WDR7: variants seen among roughly 807,000 people sequenced by gnomAD.
WDR7 encodes WD repeat-containing protein 7.
In WDR7, 46 loss-of-function variants were observed where a neutral mutation model predicts 169.4. The observed-to-expected ratio is 0.27, with a 90% CI of 0.21 to 0.35. The LOEUF (loss-of-function observed/expected upper bound fraction) is 0.35. Ranked by LOEUF, WDR7 falls within the 10% of genes least tolerant of loss-of-function variation. WDR7 has a pLI of 1.00. For missense variants in WDR7, 1,534 were observed against 1,859.3 expected (o/e 0.83, Z 3.22); for synonymous variants, 612 against 666.8 (o/e 0.92, Z 1.27).
At chr18:56,949,071 C>T (rs978582263) in intron 25 of WDR7, among the ~76,000 whole-genome samples, 6 of 152,134 alleles carry the variant, frequency 3.9e-5, no homozygotes, top group African/African-American at 1.4e-4. Context: ...AGTTTGTCAC[C>T]TCTCCCACTC....
intron 26 of WDR7, among the ~76,000 whole-genome samples, chr18:56,971,540 G>C (rs1037447980): frequency 6.6e-6 from 1 of 152,090 alleles, no homozygotes; most frequent in South Asian, 2.1e-4. Context: ...TTGAAGTGCC[G>C]TGCACAACCT....
intron 9 of WDR7, among the ~76,000 whole-genome samples, chr18:56,692,651 C>A (rs1568140152): frequency 6.6e-6 from 1 of 151,586 alleles, no homozygotes; most frequent in African/African-American, 2.4e-5. Context: ...GCTCTTCAAC[C>A]TAGATAGTCA....
At chr18:56,696,493 C>A in intron 12 of WDR7, 31 bp downstream of exon 12, 1 of 1,555,662 alleles carries the variant, frequency 6.4e-7, no homozygotes, top group Non-Finnish European at 8.7e-7. Context: ...GATTATTTCA[C>A]TATGGTAGAG....
At chr18:57,011,155 G>T (rs890821523) in intron 26 of WDR7, among the ~76,000 whole-genome samples, 5 of 152,146 alleles carry the variant, frequency 3.3e-5, no homozygotes, top group Admixed American at 2.0e-4. Context: ...CTAGATAAGG[G>T]TGTTGTATGT....
chr18:56,686,521 A>G (rs2025447622), intron 6 of WDR7, among the ~76,000 whole-genome samples: 1 of 152,118 alleles, frequency 6.6e-6, no homozygotes, highest in African/African-American at 2.4e-5. Flanking sequence ...ATTCAGGAGA[A>G]GATAGAGGAA....
intron 1 of WDR7, among the ~76,000 whole-genome samples, chr18:56,671,056 A>G (rs1336972154): frequency 2.0e-5 from 3 of 152,290 alleles, no homozygotes; most frequent in Non-Finnish European, 1.5e-5. Context: ...ATACTTCCTC[A>G]TATGTGCTCT....
intron 22 of WDR7, among the ~76,000 whole-genome samples, chr18:56,931,229 G>T (rs919847403): frequency 6.6e-6 from 1 of 152,166 alleles, no homozygotes; most frequent in Admixed American, 6.5e-5. Flanking sequence ...ACACAAATGC[G>T]TTCCATATTT....
intron 21 of WDR7, among the ~76,000 whole-genome samples, chr18:56,912,908 T>C (rs2145605707): frequency 6.6e-6 from 1 of 151,816 alleles, no homozygotes; most frequent in South Asian, 2.1e-4. Context: ...ACGGTCTCAC[T>C]CTGTCACCCA....
intron 25 of WDR7, among the ~76,000 whole-genome samples, chr18:56,948,573 A>C (rs1354497881): frequency 6.6e-6 from 1 of 152,218 alleles, no homozygotes; most frequent in Non-Finnish European, 1.5e-5. Flanking sequence ...AATAAATGGC[A>C]TCAGTTCTTT....
intron 20 of WDR7, among the ~76,000 whole-genome samples, chr18:56,872,950 CT>C (rs2045973467): frequency 1.3e-5 from 2 of 152,148 alleles, no homozygotes. Context: ...CATATTTCTT[CT>C]GTTAACAGAA....
chr18:56,758,481 A>T (rs527317803), intron 15 of WDR7, among the ~76,000 whole-genome samples: 29 of 152,290 alleles, frequency 1.9e-4, no homozygotes, highest in African/African-American at 6.5e-4. Flanking sequence ...ATGCCTGAAG[A>T]CTGTTTTCAG....
In WDR7 at chr18:56,871,875, C is replaced by T. The variant is rs560227733; in HGVS notation, c.3305-8069C>T. Among the ~76,000 whole-genome samples the T allele has an allele frequency of 8.6e-5, 13 of 151,984 alleles. No homozygotes were observed. The East Asian group carries it at 9.6e-4, about 11-fold the overall frequency. The stretch of plus-strand genomic sequence containing the variant: ...GACGGGAGTTCTGACTGAATTCAAC[C>T]GCATTATTTTAATTTTTACTAGAAA... On this transcript the variant is annotated intron_variant, in intron 20 of 27. Coordinates refer to ENST00000254442, the MANE Select transcript of WDR7 (RefSeq NM_015285.3).
intron 20 of WDR7, among the ~76,000 whole-genome samples, chr18:56,851,953 T>G (rs2045646871): frequency 6.6e-6 from 1 of 152,192 alleles, no homozygotes; most frequent in South Asian, 2.1e-4. Flanking sequence ...ATAGTGCTGT[T>G]GAAAGGCTAT....
At chr18:57,008,197 G>T (rs571092533) in intron 26 of WDR7, among the ~76,000 whole-genome samples, 3 of 151,998 alleles carry the variant, frequency 2.0e-5, no homozygotes, top group African/African-American at 7.2e-5. Flanking sequence ...CACCAGCCCC[G>T]CTTGCCCTCT....
At chr18:56,890,777 A>G (rs1857934288) in intron 21 of WDR7, 1 of 152,158 alleles carries the variant, frequency 6.6e-6, no homozygotes, top group Non-Finnish European at 1.5e-5. Context: ...TTCTCAGTGC[A>G]CTAACTCAGC....
intron 20 of WDR7, among the ~76,000 whole-genome samples, chr18:56,827,074 C>A (rs540260879): frequency 6.6e-6 from 1 of 152,064 alleles, no homozygotes; most frequent in Non-Finnish European, 1.5e-5. Flanking sequence ...GCGCTTATTG[C>A]GGAGGTGGAG....
intron 12 of WDR7, among the ~76,000 whole-genome samples, chr18:56,707,068 A>G (rs182458112): frequency 1.7e-4 from 25 of 151,344 alleles, no homozygotes; most frequent in Admixed American, 1.4e-3. Flanking sequence ...TGCAACCTCC[A>G]TCTCCTGGTT....
At chr18:56,804,523 C>T (rs571239107) in intron 19 of WDR7, among the ~76,000 whole-genome samples, 5 of 152,238 alleles carry the variant, frequency 3.3e-5, no homozygotes, top group Admixed American at 6.5e-5. Context: ...GTTTTGTAAG[C>T]GTAAAAACTC....
At chr18:56,797,290 G>A (rs1012508477) in intron 19 of WDR7, among the ~76,000 whole-genome samples, 7 of 152,112 alleles carry the variant, frequency 4.6e-5, no homozygotes, top group African/African-American at 1.7e-4. Context: ...AGGCTTCCTA[G>A]TTGCTGCTTT....
Sources: allele counts gnomAD v4.1 joint callset (sites outside exome capture counted in the v4.1 genomes callset), GRCh38; gene constraint gnomAD v4.1.1; transcripts MANE v1.5; gene names NCBI Gene and HGNC (gene_info 2026-07-23, HGNC 2026-07-21).